The following FRAS1 variants were observed in gnomAD, a reference collection of about 807,000 sequenced individuals.
The protein encoded by FRAS1 is extracellular matrix organizing protein FRAS1.
A neutral mutation model predicts 435.2 loss-of-function variants in FRAS1; 290 were observed. The observed-to-expected ratio is 0.67, with a 90% CI of 0.61 to 0.73. The LOEUF (loss-of-function observed/expected upper bound fraction) is 0.73. Ranked by LOEUF, FRAS1 falls within the 30% of genes least tolerant of loss-of-function variation. FRAS1 has a pLI of 0.00. For missense variants in FRAS1, 4,860 were observed against 5,001.5 expected, an observed-to-expected ratio of 0.97 and a Z score of 0.85; for synonymous variants, 1,800 against 1,851.0, an observed-to-expected ratio of 0.97 and a Z score of 0.71.
intron 20 of FRAS1, among the ~76,000 whole-genome samples, chr4:78,356,399 G>A (rs2110287171): frequency 6.6e-6 from 1 of 152,094 alleles, no homozygotes; most frequent in Middle Eastern, 3.4e-3. Context: ...CACTGATTTG[G>A]CCAAATTCCA....
intron 69 of FRAS1, 61 bp from the exon 70 acceptor site, chr4:78,526,479 TG>T: frequency 1.8e-6 from 2 of 1,093,432 alleles, no homozygotes; most frequent in South Asian, 1.4e-5. Flanking sequence ...CATGTCTTTC[TG>T]GGTAAGCCAG....
intron 2 of FRAS1, among the ~76,000 whole-genome samples, chr4:78,089,367 C>T (rs967653761): frequency 2.6e-5 from 4 of 151,672 alleles, no homozygotes; most frequent in East Asian, 1.9e-4. Flanking sequence ...CAACATAGCA[C>T]GTGTATACAT....
At chr4:78,135,998 T>C (rs1480566009) in intron 2 of FRAS1, among the ~76,000 whole-genome samples, 1 of 152,228 alleles carries the variant, frequency 6.6e-6, no homozygotes, top group East Asian at 1.9e-4. Flanking sequence ...TTATGTGTGC[T>C]TTTGCTTTAA....
chr4:78,497,045 T>C lies in FRAS1; in HGVS notation c.9115+84T>C. On this transcript the variant is annotated intron_variant, in intron 60 of 73. Coordinates refer to ENST00000512123, the MANE Select transcript of FRAS1 (RefSeq NM_025074.7). ...AACTAATTATTAGTGTTTTGAAAAA[T>C]AAAAGTGCTTTAAGAATGCCTACTG... 15 of 1,148,394 alleles carry C rather than the reference T, an allele frequency of 1.3e-5. 1 individual carries two copies. In the South Asian group the frequency reaches 2.1e-4, roughly 16 times the overall value. The allele number at this position is 1,148,394 out of a possible 1,614,324, so 71.1% of individuals were successfully genotyped here. A position where few individuals can be genotyped will look rare whatever the true frequency, so the allele number is the denominator to read the frequency against.
At chr4:78,224,387 G>A (rs1296597195) in intron 2 of FRAS1, among the ~76,000 whole-genome samples, 1 of 152,116 alleles carries the variant, frequency 6.6e-6, no homozygotes, top group African/African-American at 2.4e-5. Flanking sequence ...TTTTTATGAG[G>A]ATTCAATGTC....
chr4:78,278,662 A>C lies in FRAS1; in HGVS notation c.989A>C (p.Glu330Ala). The C allele has an allele frequency of 6.3e-7, 1 of 1,585,002 alleles. No individual in the cohort carries two copies. The highest frequency in any genetic ancestry group is 8.7e-7 in the Non-Finnish European group (1 of 1,153,758). The change falls in exon 10 of 74, where the codon GAA becomes GCA. Residue 330 changes from glutamate (E) to alanine (A), a missense_variant. Physicochemically the swap from Glu to Ala is moderately radical, Grantham distance 107. Transcript: ENST00000512123. Reference protein sequence around the residue: ...CAKVECARDEELIHLDGKCCP... With the variant: ...CAKVECARDEALIHLDGKCCP... ...CAACCCTTATTTCTACAGGATGAAG[A>C]ATTAATTCACTTAGATGGAAAGTGT...
At chr4:78,217,397 T>C (rs1723815907) in intron 2 of FRAS1, among the ~76,000 whole-genome samples, 1 of 152,060 alleles carries the variant, frequency 6.6e-6, no homozygotes, top group Non-Finnish European at 1.5e-5. Flanking sequence ...TATGATCTGG[T>C]TGCTGTAGGC....
At chr4:78,488,580 T>G (rs113374551) in intron 58 of FRAS1, among the ~76,000 whole-genome samples, 14 of 152,374 alleles carry the variant, frequency 9.2e-5, no homozygotes, top group Middle Eastern at 3.4e-3. Flanking sequence ...ATTTATTGAC[T>G]TGCATTACCT....
intron 32 of FRAS1, among the ~76,000 whole-genome samples, chr4:78,418,737 T>C (rs11941505): frequency 0.24 from 36,587 of 151,888 alleles, 4,740 homozygotes; most frequent in African/African-American, 0.32. Context: ...TACAAGAAAA[T>C]CTGAAAAGGA....
chr4:78,157,726 T>C (rs13150598), intron 2 of FRAS1, among the ~76,000 whole-genome samples: 37,383 of 152,164 alleles, frequency 0.25, 4,848 homozygotes, highest in African/African-American at 0.29. Context: ...CTTTGTAGGA[T>C]GTATAGTTTG....
chr4:78,541,762 C>T lies in FRAS1; in HGVS notation c.*638C>T, dbSNP rs935549476. ...CTGAAAACCACGGGAGCCTCTGCCTCCTCAGCCACAGAGAACTCCCTCCTA... is the reference window on the plus strand; with the variant it reads ...CTGAAAACCACGGGAGCCTCTGCCTTCTCAGCCACAGAGAACTCCCTCCTA... On this transcript the variant is annotated 3_prime_UTR_variant, in exon 74 of 74. Transcript: ENST00000512123. The T allele has an allele frequency of 1.3e-5, 2 of 152,196 alleles. No homozygotes were observed. The highest frequency in any genetic ancestry group is 2.9e-5 in the Non-Finnish European group (2 of 68,042). The allele number at this position is 152,196 out of a possible 1,614,324, so 9.4% of individuals were successfully genotyped here.
intron 20 of FRAS1, among the ~76,000 whole-genome samples, chr4:78,341,581 G>C (rs1730399211): frequency 6.6e-6 from 1 of 152,144 alleles, no homozygotes; most frequent in Admixed American, 6.5e-5. Flanking sequence ...TCAGATTGCT[G>C]TTTTGTCTGC....
At chr4:78,367,408 CAAA>C (rs11299648) in intron 22 of FRAS1, among the ~76,000 whole-genome samples, 187 of 122,142 alleles carry the variant, frequency 1.5e-3, no homozygotes, top group Admixed American at 5.0e-3. Flanking sequence ...AGAACTGTCT[CAAA>C]AAAAAAAAAA....
chr4:78,240,336 G>A lies in FRAS1; in HGVS notation c.216+2719G>A, dbSNP rs866954027. Among the ~76,000 whole-genome samples, 8 of 152,312 alleles carry A rather than the reference G, an allele frequency of 5.3e-5. No homozygotes were observed. In the South Asian group the frequency reaches 1.0e-3, roughly 20 times the overall value. On this transcript the variant is annotated intron_variant, in intron 3 of 73. Coordinates refer to ENST00000512123, the MANE Select transcript of FRAS1 (RefSeq NM_025074.7). ...CCAGAGAGGATGAGTTGCACAACTG[G>A]AGCACTGATAGTGTAGGGATCAAGA...
At chr4:78,370,544 C>G (rs1731462921) in intron 23 of FRAS1, among the ~76,000 whole-genome samples, 1 of 151,966 alleles carries the variant, frequency 6.6e-6, no homozygotes, top group Non-Finnish European at 1.5e-5. Flanking sequence ...CAGTCCCCAC[C>G]ATTCCCTTTC....
At chr4:78,313,281 C>G (rs966038520) in intron 15 of FRAS1, among the ~76,000 whole-genome samples, 1 of 152,102 alleles carries the variant, frequency 6.6e-6, no homozygotes, top group East Asian at 1.9e-4. Context: ...ATATTAAGGC[C>G]ATTGCCATAG....
At chr4:78,450,124 A>G (rs1386402270) in intron 44 of FRAS1, 27 bp from the exon 45 acceptor site, 4 of 1,586,308 alleles carry the variant, frequency 2.5e-6, no homozygotes, top group Non-Finnish European at 3.4e-6. Flanking sequence ...TTGGGGAATA[A>G]CCTACTCTCT....
At chr4:78,447,385 C>T (rs114840219) in intron 43 of FRAS1, among the ~76,000 whole-genome samples, 3,880 of 150,604 alleles carry the variant, frequency 0.026, 169 homozygotes, top group African/African-American at 0.09. Context: ...GCCATCTCTC[C>T]AGTTATTGGC....
chr4:78,203,865 GCCTCCTCTT>G (rs1222962382), intron 2 of FRAS1, among the ~76,000 whole-genome samples: 3 of 152,214 alleles, frequency 2.0e-5, no homozygotes, highest in Admixed American at 2.0e-4. Flanking sequence ...ACCACACCTG[GCCTCCTCTT>G]GTTTCCTACT....
Sources: allele counts gnomAD v4.1 joint callset (sites outside exome capture counted in the v4.1 genomes callset), GRCh38; gene constraint gnomAD v4.1.1; transcripts MANE v1.5; gene names NCBI Gene and HGNC (gene_info 2026-07-23, HGNC 2026-07-21).